The following NPHP3 variants were observed in gnomAD, a reference collection of about 807,000 sequenced individuals.
NPHP3 encodes nephrocystin 3, also known as nephrocystin-3.
Under a neutral mutation model 171.9 loss-of-function variants are expected in NPHP3, and 123 were observed. The observed-to-expected ratio is 0.72, with a 90% CI of 0.62 to 0.83. The LOEUF (loss-of-function observed/expected upper bound fraction) is 0.83. Among genes scored for constraint, NPHP3 ranks in the 40% least tolerant of loss-of-function variants. The probability of loss-of-function intolerance (pLI) is 0.00; values close to 1 mark genes in which losing one functional copy is unlikely to be tolerated. For missense variants in NPHP3, 1,506 were observed against 1,591.9 expected (o/e 0.95, Z 0.92); for synonymous variants, 558 against 579.2 (o/e 0.96, Z 0.52).
In NPHP3 at chr3:132,681,718, T is replaced by C; in HGVS notation, c.*192A>G. On this transcript the variant is annotated 3_prime_UTR_variant, in exon 27 of 27. Coordinates refer to ENST00000337331, the MANE Select transcript of NPHP3 (RefSeq NM_153240.5). Reference sequence around the variant, plus strand: ...TGGATACCATATAATAGGAAAATTCTTTTAAACAACTAAAACAGACATAAT... The same window carrying C: ...TGGATACCATATAATAGGAAAATTCCTTTAAACAACTAAAACAGACATAAT... 1.6e-6 allele frequency: 1 copy of C among 610,550 alleles called. No homozygotes were observed. The highest frequency in any genetic ancestry group is 2.9e-6 in the Non-Finnish European group (1 of 345,012). The allele number at this position is 610,550 out of a possible 1,614,324, so 37.8% of individuals were successfully genotyped here. A position where few individuals can be genotyped will look rare whatever the true frequency, so the allele number is the denominator to read the frequency against.
rs775337662 is a variant in NPHP3, at chr3:132,715,186, G to C, written c.856C>G (p.Gln286Glu). The C allele has an allele frequency of 1.2e-6, 2 of 1,611,774 alleles. No homozygotes were observed. Among genetic ancestry groups the C allele is most frequent in the African/African-American group, 1.3e-5 (1 of 74,988 alleles). Residue 286 changes from glutamine to glutamate, a missense_variant, in exon 5 of 27, where the codon CAA (glutamine) becomes GAA (glutamate). By Grantham distance (29) the Gln-to-Glu change is conservative. Coordinates refer to ENST00000337331, the MANE Select transcript of NPHP3 (RefSeq NM_153240.5). Reference sequence around the variant, plus strand: ...GAATGTGAAAACAGAGGAGTAACTTGTAATAAACTAGCTACAGCAATATCC... The same window carrying C: ...GAATGTGAAAACAGAGGAGTAACTTCTAATAAACTAGCTACAGCAATATCC... The part of the protein sequence containing the change: ...DWDIAVASLL[Q>E]VTPLFSHSLW...
At chr3:132,718,202 T>C (rs748708947) in intron 3 of NPHP3, 8 of 338,510 alleles carry the variant, frequency 2.4e-5, no homozygotes, top group Non-Finnish European at 4.6e-5. Flanking sequence ...TTACAGTTCA[T>C]TACAAATGGG....
At chr3:132,690,174 C>T (rs558074502) in intron 19 of NPHP3, among the ~76,000 whole-genome samples, 1 of 152,282 alleles carries the variant, frequency 6.6e-6, no homozygotes, top group Admixed American at 6.5e-5. Context: ...TACTTGGACC[C>T]GAGTCTGGTT....
At chr3:132,696,006 G>A (rs1435922795) in intron 15 of NPHP3, among the ~76,000 whole-genome samples, 1 of 152,048 alleles carries the variant, frequency 6.6e-6, no homozygotes, top group Non-Finnish European at 1.5e-5. Flanking sequence ...TTCAAATTTG[G>A]TTCTCAAGAT....
chr3:132,707,480 A>G (rs2107989846), intron 7 of NPHP3, among the ~76,000 whole-genome samples: 1 of 152,254 alleles, frequency 6.6e-6, no homozygotes, highest in East Asian at 1.9e-4. Context: ...CTTAAAAAAA[A>G]AAGTCTCCTC....
At chr3:132,700,100 C>T (rs201477733) in intron 11 of NPHP3, 39 bp from the exon 12 acceptor site, 77 of 1,608,610 alleles carry the variant, frequency 4.8e-5, no homozygotes, top group Non-Finnish European at 5.6e-5. Flanking sequence ...AGTAGTTACA[C>T]GTAGTTACTG....
chr3:132,698,874 GATCT>G (rs1306207553), intron 13 of NPHP3, among the ~76,000 whole-genome samples: 1 of 151,904 alleles, frequency 6.6e-6, no homozygotes, highest in Non-Finnish European at 1.5e-5. Context: ...TTGCATCCCA[GATCT>G]ATCTAACCTC....
In NPHP3 at chr3:132,684,550, T is replaced by C. The variant is rs374989123; in HGVS notation, c.3570+4A>G. On this transcript the variant is annotated splice_donor_region_variant and intron_variant, in intron 24 of 26. Coordinates refer to ENST00000337331, the MANE Select transcript of NPHP3 (RefSeq NM_153240.5). The stretch of plus-strand genomic sequence containing the variant: ...AACATGTAAGAATGTCAAAGCTTAC[T>C]TACCATTTTCTTATACAAGATGGCA... 190 of 1,613,792 alleles carry C rather than the reference T, an allele frequency of 1.2e-4. 1 individual carries two copies. Among genetic ancestry groups the C allele is most frequent in the Non-Finnish European group, 1.3e-4 (158 of 1,179,888 alleles).
At chr3:132,690,424 ATACT>A (rs1939269646) in intron 19 of NPHP3, 100 bp downstream of exon 19, 8 of 1,072,012 alleles carry the variant, frequency 7.5e-6, no homozygotes, top group Non-Finnish European at 9.7e-6. Context: ...TGTATTTCAG[ATACT>A]TAGACTAATT....
chr3:132,690,451 A>G, intron 19 of NPHP3, 77 bp downstream of exon 19: 4 of 1,409,416 alleles, frequency 2.8e-6, no homozygotes, highest in Non-Finnish European at 4.0e-6. Flanking sequence ...TAAATTAAAA[A>G]TACCATTTTT....
At chr3:132,710,085 G>T (rs1244937799) in intron 6 of NPHP3, among the ~76,000 whole-genome samples, 1 of 152,122 alleles carries the variant, frequency 6.6e-6, no homozygotes, top group South Asian at 2.1e-4. Context: ...ATGAAACAAC[G>T]AGTCATGAGG....
chr3:132,684,783 T>C lies in NPHP3; in HGVS notation c.3341A>G (p.Gln1114Arg), dbSNP rs374838993. The change falls in exon 24 of 27, where the codon CAG becomes CGG. Residue 1114 changes from glutamine (Q) to arginine (R), a missense_variant. This residue lies in a region of NPHP3 where 569 missense variants were observed against 648.1 expected (regional missense o/e 0.88). Transcript: ENST00000337331. ...CATTTCTAAGGAACGCTTCAGAAAC[T>C]GGTCAGCTGTTCTGTGAACACAATC... The part of the protein sequence containing the change: ...YLQNNLETAD[Q>R]FLKRSLEMRE... 1.3e-5 allele frequency: 21 copies of C among 1,613,376 alleles called. No individual in the cohort carries two copies. Among genetic ancestry groups the C allele is most frequent in the African/African-American group, 2.7e-5 (2 of 75,062 alleles).
chr3:132,708,288 T>C lies in NPHP3; in HGVS notation c.1119-31A>G, dbSNP rs780122526. On this transcript the variant is annotated intron_variant, in intron 6 of 26. Transcript: ENST00000337331. ...TTGGAAATCAGCATTTTGTGTGCTA[T>C]ACTGCATTGTGGCAGCAAGCAGTTA... 13 of 1,606,686 alleles carry C rather than the reference T, an allele frequency of 8.1e-6. No homozygotes were observed. The South Asian group carries it at 1.4e-4, about 18-fold the overall frequency.
At chr3:132,718,764 G>C (rs1940124072) in intron 3 of NPHP3, among the ~76,000 whole-genome samples, 1 of 152,214 alleles carries the variant, frequency 6.6e-6, no homozygotes, top group African/African-American at 2.4e-5. Flanking sequence ...ATGGGTTAGG[G>C]TTGGCAGAGT....
At chr3:132,713,866 T>C (rs1291367876) in intron 5 of NPHP3, among the ~76,000 whole-genome samples, 1 of 152,216 alleles carries the variant, frequency 6.6e-6, no homozygotes, top group Admixed American at 6.5e-5. Context: ...TTTACTAAAA[T>C]TGAATAATAT....
intron 11 of NPHP3, 68 bp from the exon 12 acceptor site, chr3:132,700,129 G>A: frequency 6.4e-7 from 1 of 1,553,876 alleles, no homozygotes; most frequent in East Asian, 2.3e-5. Context: ...ACAGAGCTGG[G>A]GGAAATATTT....
At chr3:132,717,669 G>A (rs56214742) in intron 3 of NPHP3, among the ~76,000 whole-genome samples, 66,927 of 151,036 alleles carry the variant, frequency 0.44, 16,722 homozygotes, top group African/African-American at 0.67. Context: ...GTACATTTGA[G>A]TATGTCAATA....
Position 132,682,044 on chromosome 3 carries a change from C to T in NPHP3, c.3859G>A (p.Ala1287Thr). ...FEKAAELYKR[A>T]MEIKEAETSL... ...GTTTCTGCTTCTTTTATTTCCATTG[C>T]CCTTTTGTATAATTCAGCAGCTTTT... Residue 1287 changes from alanine to threonine, a missense_variant, in exon 27 of 27, where the codon GCA becomes ACA. Around this residue, in one of 3 missense-constraint regions of NPHP3, gnomAD observed 569 missense variants for 648.1 expected, o/e 0.88. Coordinates refer to ENST00000337331, the MANE Select transcript of NPHP3 (RefSeq NM_153240.5). The T allele has an allele frequency of 1.2e-6, 2 of 1,614,000 alleles. No individual in the cohort carries two copies. The highest frequency in any genetic ancestry group is 1.7e-6 in the Non-Finnish European group (2 of 1,179,930).
At chr3:132,713,313 G>A (rs1939963048) in intron 5 of NPHP3, 27 bp from the exon 6 acceptor site, 2 of 1,518,708 alleles carry the variant, frequency 1.3e-6, no homozygotes, top group Non-Finnish European at 1.8e-6. Flanking sequence ...ACATACAAAA[G>A]TTTAATGTAT....
Sources: allele counts gnomAD v4.1 joint callset (sites outside exome capture counted in the v4.1 genomes callset), GRCh38; gene constraint gnomAD v4.1.1; regional missense constraint gnomAD v4.1.1; transcripts MANE v1.5; gene names NCBI Gene and HGNC (gene_info 2026-07-23, HGNC 2026-07-21).